TXLNB: variants seen among roughly 807,000 people sequenced by gnomAD.
TXLNB encodes the protein beta-taxilin.
A neutral mutation model predicts 57.4 loss-of-function variants in TXLNB; 37 were observed. The observed-to-expected ratio is 0.64, with a 90% confidence interval of 0.50 to 0.85. The LOEUF (loss-of-function observed/expected upper bound fraction) is 0.85, where lower values mean the gene tolerates loss of function less well. TXLNB is among the 40% of genes least tolerant of loss of function. The pLI, the probability that TXLNB is intolerant of heterozygous loss-of-function variation, is 0.00. For synonymous variants in TXLNB, 302 were observed against 309.6 expected, an observed-to-expected ratio of 0.98 and a Z score of 0.26; for missense variants, 848 against 825.6, an observed-to-expected ratio of 1.03 and a Z score of -0.33.
At chr6:139,254,683 C>A (rs1484442904) in intron 7 of TXLNB, among the ~76,000 whole-genome samples, 1 of 152,214 alleles carries the variant, frequency 6.6e-6, no homozygotes, top group Non-Finnish European at 1.5e-5. Context: ...CAGAGTCTAA[C>A]AGAAGCACAT....
At chr6:139,218,363 G>T in the TXLNB span, among the ~76,000 whole-genome samples, 3 of 152,180 alleles carry the variant, frequency 2.0e-5, no homozygotes, top group Non-Finnish European at 2.9e-5. Context: ...ACTGCAAAAA[G>T]ATTTAGCACT....
At chr6:139,284,399 A>T (rs1239888556) in intron 2 of TXLNB, among the ~76,000 whole-genome samples, 1 of 144,660 alleles carries the variant, frequency 6.9e-6, no homozygotes, top group Non-Finnish European at 1.5e-5. Flanking sequence ...ATGGTGGCAC[A>T]TGCCTGTAAT....
chr6:139,220,926 C>T, the TXLNB span, among the ~76,000 whole-genome samples: 31 of 152,226 alleles, frequency 2.0e-4, 1 homozygote, highest in Admixed American at 1.7e-3. Flanking sequence ...GAAATTGATG[C>T]TCAAGAGACA....
chr6:139,173,401 C>T, the TXLNB span, among the ~76,000 whole-genome samples: 2 of 152,152 alleles, frequency 1.3e-5, no homozygotes, highest in African/African-American at 2.4e-5. Flanking sequence ...TAAATGCAAA[C>T]GAAGGGCTCC....
At chr6:139,273,502 T>A (rs1776820045) in intron 3 of TXLNB, among the ~76,000 whole-genome samples, 1 of 152,232 alleles carries the variant, frequency 6.6e-6, no homozygotes, top group Admixed American at 6.5e-5. Context: ...TGCTCAGTCA[T>A]CCAGGCTGGA....
the TXLNB span, among the ~76,000 whole-genome samples, chr6:139,314,454 T>G: frequency 6.6e-6 from 1 of 152,218 alleles, no homozygotes; most frequent in Admixed American, 6.5e-5. Flanking sequence ...ACCTATAAGC[T>G]CCTGCTTCAA....
At chr6:139,306,937 A>C in the TXLNB span, among the ~76,000 whole-genome samples, 1 of 152,288 alleles carries the variant, frequency 6.6e-6, no homozygotes, top group Non-Finnish European at 1.5e-5. Flanking sequence ...TTAAAACATG[A>C]TTCTATAATT....
the TXLNB span, among the ~76,000 whole-genome samples, chr6:139,230,965 G>T: frequency 1.3e-5 from 2 of 152,016 alleles, no homozygotes; most frequent in African/African-American, 4.8e-5. Context: ...CCTTACATAG[G>T]CTCCATTACT....
chr6:139,257,447 AG>A (rs1255212286), intron 6 of TXLNB, among the ~76,000 whole-genome samples: 1 of 152,226 alleles, frequency 6.6e-6, no homozygotes, highest in African/African-American at 2.4e-5. Context: ...TTTACACAAA[AG>A]CAAGTGCAAT....
chr6:139,260,279 G>A, intron 6 of TXLNB, 39 bp downstream of exon 6: 1 of 1,609,978 alleles, frequency 6.2e-7, no homozygotes, highest in South Asian at 1.1e-5. Flanking sequence ...CTGACACTGA[G>A]GTAGACCAGA....
intron 7 of TXLNB, among the ~76,000 whole-genome samples, chr6:139,251,055 C>T (rs1406715323): frequency 2.0e-5 from 3 of 152,156 alleles, no homozygotes; most frequent in Non-Finnish European, 4.4e-5. Context: ...TTGTTGCTGG[C>T]TCATGAGCAT....
chr6:139,243,492 CTTTT>C (rs1161954954), intron 9 of TXLNB, among the ~76,000 whole-genome samples, 178 bp from the exon 10 acceptor site: 15 of 128,050 alleles, frequency 1.2e-4, no homozygotes, highest in Non-Finnish European at 5.0e-5. Flanking sequence ...CATCACTTTC[CTTTT>C]TTTTTTTTTT....
chr6:139,289,969 C>G (rs1332501958), intron 1 of TXLNB, among the ~76,000 whole-genome samples: 1 of 152,128 alleles, frequency 6.6e-6, no homozygotes, highest in Non-Finnish European at 1.5e-5. Flanking sequence ...GGAGACATTT[C>G]TCACTTTTCT....
At chr6:139,213,747 G>T in the TXLNB span, among the ~76,000 whole-genome samples, 1 of 151,884 alleles carries the variant, frequency 6.6e-6, no homozygotes, top group East Asian at 1.9e-4. Flanking sequence ...CAATAAAGAA[G>T]AAAAGAGAGA....
chr6:139,175,279 C>G, the TXLNB span, among the ~76,000 whole-genome samples: 1 of 152,164 alleles, frequency 6.6e-6, no homozygotes, highest in Non-Finnish European at 1.5e-5. Context: ...CCTTGATACT[C>G]TCATGGGCAG....
At chr6:139,310,343 A>G in the TXLNB span, among the ~76,000 whole-genome samples, 1 of 152,264 alleles carries the variant, frequency 6.6e-6, no homozygotes, top group Admixed American at 6.5e-5. Flanking sequence ...ATTTCTCCAC[A>G]GAAGAGTTAA....
At chr6:139,178,386 T>A in the TXLNB span, 6 of 152,190 alleles carry the variant, frequency 3.9e-5, no homozygotes, top group Non-Finnish European at 5.9e-5. Context: ...AAAATTAATT[T>A]GATAATTTCA....
At chr6:139,195,941 A>G in the TXLNB span, among the ~76,000 whole-genome samples, 72 of 152,242 alleles carry the variant, frequency 4.7e-4, no homozygotes, top group African/African-American at 1.7e-3. Flanking sequence ...CTAAAAATCC[A>G]CTAGATGGGA....
chr6:139,294,322 A>G (rs1176014688), upstream of TXLNB, among the ~76,000 whole-genome samples: 1 of 152,114 alleles, frequency 6.6e-6, no homozygotes, highest in Non-Finnish European at 1.5e-5. Flanking sequence ...CACTTGATTC[A>G]TTCAAATTAT....
Sources: allele counts gnomAD v4.1 joint callset (sites outside exome capture counted in the v4.1 genomes callset), GRCh38; gene constraint gnomAD v4.1.1; transcripts MANE v1.5; gene names NCBI Gene and HGNC (gene_info 2026-07-23, HGNC 2026-07-21).